ANKS1B: variants seen among roughly 807,000 people sequenced by gnomAD.
ANKS1B encodes the protein ankyrin repeat and sterile alpha motif domain-containing protein 1B.
In ANKS1B, 36 loss-of-function variants were observed where a neutral mutation model predicts 148.3. The ratio of observed to expected loss-of-function variants is 0.24; its 90% CI spans 0.19 to 0.32. The LOEUF (loss-of-function observed/expected upper bound fraction) is 0.32, where lower values mean the gene tolerates loss of function less well. Among genes scored for constraint, ANKS1B ranks in the 10% least tolerant of loss-of-function variants. ANKS1B has a pLI of 1.00. For missense variants in ANKS1B, 1,157 were observed against 1,542.6 expected, an observed-to-expected ratio of 0.75 and a Z score of 4.19; for synonymous variants, 542 against 560.8, an observed-to-expected ratio of 0.97 and a Z score of 0.47.
chr12:98,999,878 C>A (rs2099931892), intron 17 of ANKS1B, among the ~76,000 whole-genome samples: 1 of 152,174 alleles, frequency 6.6e-6, no homozygotes, highest in African/African-American at 2.4e-5. Context: ...TCGTTTCATT[C>A]TCTTCTCCCA....
chr12:99,479,707 G>A (rs573992935), intron 10 of ANKS1B, among the ~76,000 whole-genome samples: 74 of 151,976 alleles, frequency 4.9e-4, no homozygotes, highest in Admixed American at 1.8e-3. Flanking sequence ...GTAGAATAAT[G>A]GTTACCAGAC....
Position 99,424,620 on chromosome 12 carries a change from GAA to G in ANKS1B, c.1575+19051_1575+19052del, listed in dbSNP as rs146279881. On this transcript the variant is annotated intron_variant, in intron 11 of 26. Transcript: ENST00000683438. ...ATTTTTTCCTCCTGTACAGGTAGCA[GAA>G]ACACACACACACACACACACACACA... is the stretch of plus-strand genomic sequence containing the variant. 4.6e-4 allele frequency among the ~76,000 whole-genome samples: 61 copies of G among 132,254 alleles called. 1 individual carries two copies. Among genetic ancestry groups the G allele is most frequent in the Middle Eastern group, 3.6e-3 (1 of 274 alleles). The allele number at this position is 132,254 out of a possible 152,430, so 86.8% of individuals were successfully genotyped here.
At chr12:98,932,742 A>G (rs2152970841) in intron 17 of ANKS1B, among the ~76,000 whole-genome samples, 1 of 152,272 alleles carries the variant, frequency 6.6e-6, no homozygotes, top group East Asian at 1.9e-4. Context: ...GGTCAAATAA[A>G]TTTGAAACTT....
chr12:99,756,092 A>G (rs1322039823), intron 8 of ANKS1B, among the ~76,000 whole-genome samples: 1 of 152,112 alleles, frequency 6.6e-6, no homozygotes, highest in East Asian at 1.9e-4. Flanking sequence ...AGTCCTGGCC[A>G]GGGCAACCAG....
At chr12:99,716,385 C>T (rs1319221433) in intron 8 of ANKS1B, among the ~76,000 whole-genome samples, 4 of 152,020 alleles carry the variant, frequency 2.6e-5, no homozygotes, top group Non-Finnish European at 5.9e-5. Flanking sequence ...CTCTTCCCTC[C>T]ATGTCCCTAC....
chr12:99,437,003 T>C (rs74680531), intron 11 of ANKS1B, among the ~76,000 whole-genome samples: 48 of 152,108 alleles, frequency 3.2e-4, no homozygotes, highest in African/African-American at 1.1e-3. Flanking sequence ...TTTGGGTTAG[T>C]GGTGAGGTTT....
At chr12:99,867,015 A>T (rs1009216571) in intron 1 of ANKS1B, among the ~76,000 whole-genome samples, 3 of 152,180 alleles carry the variant, frequency 2.0e-5, no homozygotes, top group African/African-American at 7.2e-5. Flanking sequence ...ATAATCTGAC[A>T]TCCCAACTTA....
At chr12:99,321,366 C>T (rs1384706048) in intron 12 of ANKS1B, among the ~76,000 whole-genome samples, 2 of 152,200 alleles carry the variant, frequency 1.3e-5, no homozygotes, top group African/African-American at 4.8e-5. Flanking sequence ...GTTCAAGCTT[C>T]CCAGCCACTT....
chr12:99,410,494 C>A (rs1252244308), intron 11 of ANKS1B, among the ~76,000 whole-genome samples: 3 of 152,018 alleles, frequency 2.0e-5, no homozygotes, highest in African/African-American at 7.3e-5. Flanking sequence ...ACGGTGAAAC[C>A]CCGTCTCTAC....
intron 13 of ANKS1B, among the ~76,000 whole-genome samples, chr12:99,245,109 C>T (rs964330150): frequency 1.4e-4 from 21 of 152,148 alleles, no homozygotes; most frequent in African/African-American, 4.8e-4. Context: ...CCTGCCTCGG[C>T]GTCCCAAAGT....
intron 12 of ANKS1B, among the ~76,000 whole-genome samples, chr12:99,301,431 A>C (rs1006060410): frequency 5.9e-5 from 9 of 152,204 alleles, no homozygotes; most frequent in Admixed American, 4.6e-4. Context: ...TACCACTCAC[A>C]CAGTAAAGAA....
At chr12:99,141,049 C>T (rs1324947484) in intron 15 of ANKS1B, among the ~76,000 whole-genome samples, 2 of 152,160 alleles carry the variant, frequency 1.3e-5, no homozygotes, top group East Asian at 3.9e-4. Flanking sequence ...TAGCAACCAA[C>T]TCTCCACTTG....
intron 10 of ANKS1B, among the ~76,000 whole-genome samples, chr12:99,446,358 T>C (rs1158194776): frequency 6.6e-6 from 1 of 152,106 alleles, no homozygotes; most frequent in Non-Finnish European, 1.5e-5. Flanking sequence ...CAATGAGAAA[T>C]ATTGAAGACT....
rs1233455278 is a variant in ANKS1B, at chr12:98,744,890, C to T, written c.*849G>A. The T allele has an allele frequency of 1.0e-6, 1 of 985,540 alleles. No homozygotes were observed. The highest frequency in any genetic ancestry group is 1.1e-4 in the East Asian group (1 of 8,830). The allele number at this position is 985,540 out of a possible 1,614,324, so 61.0% of individuals were successfully genotyped here. A position where few individuals can be genotyped will look rare whatever the true frequency, so the allele number is the denominator to read the frequency against. ...TGCGTCAGCACTTCCGGGCCTCCTG[C>T]TCTAGGGAGCATCACCAGTATTTTG... On this transcript the variant is annotated 3_prime_UTR_variant, in exon 27 of 27. Coordinates refer to ENST00000683438, the MANE Select transcript of ANKS1B (RefSeq NM_001352186.2).
chr12:99,817,165 C>CA (rs2069302853), intron 2 of ANKS1B, among the ~76,000 whole-genome samples: 1 of 148,506 alleles, frequency 6.7e-6, no homozygotes, highest in South Asian at 2.1e-4. Flanking sequence ...CTCTTCTCCC[C>CA]CCCCCCTTTC....
intron 12 of ANKS1B, among the ~76,000 whole-genome samples, chr12:99,387,812 A>T (rs1018898190): frequency 1.3e-5 from 2 of 151,984 alleles, no homozygotes; most frequent in Admixed American, 1.3e-4. Flanking sequence ...GTATTTTGTT[A>T]TAACAGCCCG....
At chr12:98,860,625 T>G (rs1427750313) in intron 17 of ANKS1B, among the ~76,000 whole-genome samples, 2 of 152,172 alleles carry the variant, frequency 1.3e-5, no homozygotes, top group African/African-American at 4.8e-5. Flanking sequence ...ACACACGGTG[T>G]TTGGTTTTCT....
intron 12 of ANKS1B, among the ~76,000 whole-genome samples, chr12:99,368,455 T>A (rs1026298149): frequency 2.0e-5 from 3 of 152,084 alleles, no homozygotes; most frequent in African/African-American, 7.2e-5. Context: ...GAACCTACTT[T>A]ATATGCTAGG....
At chr12:99,329,573 C>T (rs1054868416) in intron 12 of ANKS1B, among the ~76,000 whole-genome samples, 2 of 151,714 alleles carry the variant, frequency 1.3e-5, no homozygotes, top group Admixed American at 1.3e-4. Context: ...ATGTAGTATG[C>T]ATTGTATATT....
Sources: allele counts gnomAD v4.1 joint callset (sites outside exome capture counted in the v4.1 genomes callset), GRCh38; gene constraint gnomAD v4.1.1; transcripts MANE v1.5; gene names NCBI Gene and HGNC (gene_info 2026-07-23, HGNC 2026-07-21).